STX3: variants seen among roughly 807,000 people sequenced by gnomAD.
The protein encoded by STX3 is syntaxin-3.
A neutral mutation model predicts 40.2 loss-of-function variants in STX3; 19 were observed. The observed-to-expected ratio is 0.47, with a 90% CI of 0.33 to 0.69. The LOEUF is 0.69. Ranked by LOEUF, STX3 falls within the 30% of genes least tolerant of loss-of-function variation. The pLI is 0.02. For missense variants in STX3, 364 were observed against 366.7 expected, an observed-to-expected ratio of 0.99 and a Z score of 0.06; for synonymous variants, 122 against 132.2, an observed-to-expected ratio of 0.92 and a Z score of 0.53.
intron 2 of STX3, chr11:59,781,376 T>C (rs1864371894): frequency 1.9e-6 from 3 of 1,598,318 alleles, no homozygotes; most frequent in Admixed American, 3.3e-5. Flanking sequence ...CCACCACTAA[T>C]TTCCCATCTT....
At chr11:59,798,208 TG>T (rs201436571) in intron 10 of STX3, among the ~76,000 whole-genome samples, 203 of 147,452 alleles carry the variant, frequency 1.4e-3, no homozygotes, top group South Asian at 3.6e-3. Flanking sequence ...ACTGAATCAC[TG>T]GTTTTTTTTT....
intron 1 of STX3, among the ~76,000 whole-genome samples, chr11:59,770,085 GTGTT>G (rs1264764790): frequency 1.3e-5 from 2 of 149,900 alleles, no homozygotes; most frequent in East Asian, 4.0e-4. Context: ...TGGGTGTTGG[GTGTT>G]TGTGTATGTG....
chr11:59,797,920 A>T (rs76095768), intron 10 of STX3, among the ~76,000 whole-genome samples: 1 of 152,222 alleles, frequency 6.6e-6, no homozygotes, highest in Non-Finnish European at 1.5e-5. Flanking sequence ...GTACCAGACA[A>T]TGTACTAAAC....
chr11:59,785,380 G>A (rs1394654623), intron 2 of STX3, among the ~76,000 whole-genome samples: 1 of 152,096 alleles, frequency 6.6e-6, no homozygotes, highest in South Asian at 2.1e-4. Flanking sequence ...GCTCAGGCGG[G>A]AAATGCAGTG....
intron 1 of STX3, among the ~76,000 whole-genome samples, chr11:59,772,110 T>C (rs1863685168): frequency 1.3e-5 from 2 of 152,208 alleles, no homozygotes; most frequent in African/African-American, 4.8e-5. Flanking sequence ...TGGCATTCAT[T>C]GCCCATGGAA....
chr11:59,787,892 T>C (rs925881785), intron 3 of STX3, among the ~76,000 whole-genome samples: 2 of 152,188 alleles, frequency 1.3e-5, no homozygotes, highest in African/African-American at 4.8e-5. Context: ...ATTCCACTCT[T>C]TCATTTTTCC....
At chr11:59,774,353 C>T (rs1388965703) in intron 2 of STX3, among the ~76,000 whole-genome samples, 2 of 151,282 alleles carry the variant, frequency 1.3e-5, no homozygotes, top group Non-Finnish European at 2.9e-5. Flanking sequence ...CAGGTGGGAT[C>T]ACCTGAGCCT....
chr11:59,793,256 G>A lies in STX3; in HGVS notation c.540+84G>A, dbSNP rs1033793316. 5 of 1,606,198 alleles carry A rather than the reference G, an allele frequency of 3.1e-6. No individual in the cohort carries two copies. The African/African-American group carries it at 6.7e-5, about 21-fold the overall frequency. On this transcript the variant is annotated intron_variant, in intron 7 of 10. Transcript: ENST00000337979. ...GAGCTCATGCAGTCCAGCAGGTGGA[G>A]GGGGAGCTGCAGGTGCAGGGAGTTC... is the stretch of plus-strand genomic sequence containing the variant.
chr11:59,803,207 T>C lies in STX3; in HGVS notation c.*2383T>C, dbSNP rs1813573298. 2 of 1,231,580 alleles carry C rather than the reference T, an allele frequency of 1.6e-6. No homozygotes were observed. Among genetic ancestry groups the C allele is most frequent in the African/African-American group, 1.6e-5 (1 of 64,418 alleles). The allele number at this position is 1,231,580 out of a possible 1,614,324, so 76.3% of individuals were successfully genotyped here. Reference sequence around the variant, plus strand: ...CTCATGTATTCTTTCTTTCCTTGTCTGGATGAGCAGAAGAAGATCATGATC... The same window carrying C: ...CTCATGTATTCTTTCTTTCCTTGTCCGGATGAGCAGAAGAAGATCATGATC... On this transcript the variant is annotated 3_prime_UTR_variant, in exon 11 of 11. Coordinates refer to ENST00000337979, the MANE Select transcript of STX3 (RefSeq NM_004177.5).
At chr11:59,769,869 G>T (rs956441699) in intron 1 of STX3, among the ~76,000 whole-genome samples, 14 of 149,310 alleles carry the variant, frequency 9.4e-5, no homozygotes, top group East Asian at 2.0e-4. Flanking sequence ...TGTTTGTGTG[G>T]GGGGGGAAGG....
intron 2 of STX3, among the ~76,000 whole-genome samples, chr11:59,780,217 G>A (rs1864272246): frequency 6.6e-6 from 1 of 152,150 alleles, no homozygotes; most frequent in Admixed American, 6.5e-5. Context: ...GAGTCTAATC[G>A]CCAATGTGAT....
At chr11:59,787,172 C>T (rs1425476710) in intron 3 of STX3, 36 bp downstream of exon 3, 3 of 1,585,222 alleles carry the variant, frequency 1.9e-6, no homozygotes, top group Non-Finnish European at 1.7e-6. Flanking sequence ...ATCCAACAAT[C>T]ACCCTTTCCT....
At chr11:59,790,607 A>C (rs879001153) in intron 5 of STX3, 21 bp downstream of exon 5, 13 of 1,582,068 alleles carry the variant, frequency 8.2e-6, no homozygotes, top group Admixed American at 1.7e-5. Context: ...TCCTGGTCTC[A>C]TGATTAGCTA....
rs184288005 is a variant in STX3, at chr11:59,802,525, G to C, written c.*1701G>C. 25 of 985,828 alleles carry C rather than the reference G, an allele frequency of 2.5e-5. No individual in the cohort carries two copies. The African/African-American group carries it at 4.2e-4, about 17-fold the overall frequency. 61.1% of individuals were successfully genotyped at this position (985,828 alleles called of 1,614,324 possible). ...GGCTATGATGTCAGACAGTGGATGG[G>C]CTCCAGCAACAAGAGACAAAATAAC... On this transcript the variant is annotated 3_prime_UTR_variant, in exon 11 of 11. Transcript: ENST00000337979.
chr11:59,777,926 T>C (rs1864078604), intron 2 of STX3, among the ~76,000 whole-genome samples: 1 of 152,192 alleles, frequency 6.6e-6, no homozygotes, highest in South Asian at 2.1e-4. Flanking sequence ...TAGAATCTTG[T>C]AGAGGCTTTT....
chr11:59,800,407 C>G (rs570686262), intron 10 of STX3: 1 of 985,382 alleles, frequency 1.0e-6, no homozygotes, highest in East Asian at 1.1e-4. Flanking sequence ...GTGGAGCAGC[C>G]ATAATATGAC....
chr11:59,791,363 C>T (rs984341907), intron 5 of STX3, among the ~76,000 whole-genome samples: 7 of 152,140 alleles, frequency 4.6e-5, no homozygotes, highest in South Asian at 4.1e-4. Flanking sequence ...GAGGACCAGT[C>T]TGGGGAATTT....
upstream of STX3, chr11:59,755,343 GAT>G (rs1212253988): frequency 1.3e-5 from 4 of 305,288 alleles, no homozygotes; most frequent in Non-Finnish European, 2.4e-5. Context: ...GTCCAGGGCG[GAT>G]CAGCGCTGCG....
intron 1 of STX3, among the ~76,000 whole-genome samples, chr11:59,762,100 T>C (rs1447383643): frequency 6.6e-6 from 1 of 152,240 alleles, no homozygotes; most frequent in Non-Finnish European, 1.5e-5. Flanking sequence ...GGTTGTCACA[T>C]CTCCTTAGCT....
Sources: gnomAD v4.1 joint callset for allele counts (sites outside exome capture counted in the v4.1 genomes callset) on GRCh38, gnomAD v4.1.1 for gene constraint, MANE v1.5 for transcripts, NCBI Gene and HGNC (gene_info 2026-07-23, HGNC 2026-07-21) for gene names.